Variants in SCFD2 observed in about 807,000 individuals in gnomAD.
The protein encoded by SCFD2 is sec1 family domain-containing protein 2.
Under a neutral mutation model 58.9 loss-of-function variants are expected in SCFD2, and 54 were observed. That is an observed-to-expected ratio of 0.92 (90% CI 0.74 to 1.15). The LOEUF is 1.15. Among genes scored for constraint, SCFD2 ranks in the 50% most tolerant of loss-of-function variants. The pLI, the probability that SCFD2 is intolerant of heterozygous loss-of-function variation, is 0.00. For synonymous variants in SCFD2, 321 were observed against 335.9 expected (o/e 0.96, Z 0.49); for missense variants, 805 against 836.6 (o/e 0.96, Z 0.47).
intron 4 of SCFD2, among the ~76,000 whole-genome samples, chr4:53,213,379 CGTCTGACTTGATTCATTT>C (rs1389668416): frequency 5.3e-5 from 8 of 152,020 alleles, no homozygotes; most frequent in Non-Finnish European, 2.9e-5. Flanking sequence ...GAAAAAAATG[CGTCTGACTTGATTCATTT>C]CTCATCAGGG....
At position 53,145,469 on chromosome 4, in the gene SCFD2, G is replaced by A; in HGVS notation, c.1425C>T (p.Leu475=). The A allele has an allele frequency of 1.2e-6, 2 of 1,614,128 alleles. No individual in the cohort carries two copies. The change falls in exon 5 of 9, where the codon CTC becomes CTT. Residue 475 remains leucine, a synonymous_variant. Coordinates refer to ENST00000401642, the MANE Select transcript of SCFD2 (RefSeq NM_152540.4). ...DYSPEELLIL[L]IYIYSVTGEL... ...CTCCAGTGACAGAATAAATATATAT[G>A]AGAAGGATCAGCAGTTCCTCAGGGC... is the stretch of plus-strand genomic sequence containing the variant.
intron 4 of SCFD2, among the ~76,000 whole-genome samples, chr4:53,155,304 G>A (rs556100981): frequency 2.0e-4 from 30 of 152,110 alleles, no homozygotes; most frequent in Non-Finnish European, 4.0e-4. Context: ...AGGCCATAAG[G>A]GATCTACCCT....
chr4:53,292,049 GTAAAACCCAAAACTATAAAACTA>G (rs1192403205), intron 3 of SCFD2, among the ~76,000 whole-genome samples: 4 of 151,580 alleles, frequency 2.6e-5, no homozygotes, highest in South Asian at 2.1e-4. Context: ...AGACTTAAAT[GTAAAACCCAAAACTATAAAACTA>G]TAAAACCCAA....
chr4:53,042,027 G>C (rs527331251), intron 5 of SCFD2, among the ~76,000 whole-genome samples: 18 of 152,242 alleles, frequency 1.2e-4, no homozygotes, highest in African/African-American at 3.8e-4. Flanking sequence ...CTAAGAGCCA[G>C]GACCTGGTCT....
chr4:52,929,678 C>A (rs1312333462), intron 5 of SCFD2, among the ~76,000 whole-genome samples: 1 of 152,148 alleles, frequency 6.6e-6, no homozygotes, highest in East Asian at 1.9e-4. Context: ...CAGAGAGGCC[C>A]AGAAAGCGGG....
Position 52,876,141 on chromosome 4 carries a change from C to T in SCFD2, c.1963-2080G>A, listed in dbSNP as rs556928807. On this transcript the variant is annotated intron_variant, in intron 8 of 8. Coordinates refer to ENST00000401642, the MANE Select transcript of SCFD2 (RefSeq NM_152540.4). ...TGAGGAGATCCCAGCTCCACACTGA[C>T]TGGCCAGATGCCTCCAGAAAGTCAC... Among the ~76,000 whole-genome samples the T allele has an allele frequency of 8.6e-4, 8 of 9,296 alleles. No individual in the cohort carries two copies. In the South Asian group the frequency reaches 0.058, roughly 68 times the overall value. 6.1% of individuals were successfully genotyped at this position (9,296 alleles called of 152,430 possible).
At chr4:53,233,989 A>G (rs561675072) in intron 4 of SCFD2, among the ~76,000 whole-genome samples, 1 of 152,314 alleles carries the variant, frequency 6.6e-6, no homozygotes, top group Admixed American at 6.5e-5. Flanking sequence ...TACTCATAAA[A>G]AAAGTTATCA....
chr4:53,253,906 AT>A (rs1167187809), intron 4 of SCFD2, among the ~76,000 whole-genome samples: 7 of 149,622 alleles, frequency 4.7e-5, no homozygotes, highest in Admixed American at 6.6e-5. Flanking sequence ...AAAAAAAAAA[AT>A]AACAAAGTCA....
intron 2 of SCFD2, among the ~76,000 whole-genome samples, chr4:53,349,160 G>A (rs1371057178): frequency 1.3e-5 from 2 of 152,176 alleles, no homozygotes; most frequent in Non-Finnish European, 2.9e-5. Flanking sequence ...CACAGCAGGG[G>A]CTCAGTTAGG....
intron 5 of SCFD2, among the ~76,000 whole-genome samples, chr4:52,932,826 G>A (rs1194462292): frequency 6.6e-6 from 1 of 152,002 alleles, no homozygotes; most frequent in Non-Finnish European, 1.5e-5. Flanking sequence ...CCATTGAACC[G>A]AGCCAGCATC....
rs150689582 is a variant in SCFD2, at chr4:53,024,052, C to T, written c.1562-103182G>A. ...ACACAAACTCCACAGTCAGCAGCAG[C>T]CTTATTCTTGGGCATCTAGAAACAA... On this transcript the variant is annotated intron_variant, in intron 5 of 8. Coordinates refer to ENST00000401642, the MANE Select transcript of SCFD2 (RefSeq NM_152540.4). Among the ~76,000 whole-genome samples the T allele has an allele frequency of 2.0e-3, 307 of 152,208 alleles. 1 individual carries two copies. The highest frequency in any genetic ancestry group is 7.2e-3 in the African/African-American group (300 of 41,530).
At chr4:52,876,756 GAAAAAAAAAAA>G (rs761229349) in intron 8 of SCFD2, among the ~76,000 whole-genome samples, 34 of 54,396 alleles carry the variant, frequency 6.3e-4, no homozygotes, top group African/African-American at 2.3e-3. Flanking sequence ...TCTCTGTCTC[GAAAAAAAAAAA>G]AAAAAAAAAA....
chr4:52,896,295 G>A (rs1471105179), intron 7 of SCFD2, among the ~76,000 whole-genome samples: 1 of 152,170 alleles, frequency 6.6e-6, no homozygotes, highest in African/African-American at 2.4e-5. Flanking sequence ...ATGGTTTTAG[G>A]TCTAACATTT....
intron 4 of SCFD2, among the ~76,000 whole-genome samples, chr4:53,168,695 T>C (rs1281223456): frequency 2.0e-5 from 3 of 152,214 alleles, no homozygotes; most frequent in Non-Finnish European, 2.9e-5. Flanking sequence ...GTGAAATTAT[T>C]AAATCAAGTT....
In SCFD2 at chr4:53,365,497, A is replaced by G; in HGVS notation, c.445T>C (p.Tyr149His). The G allele has an allele frequency of 6.2e-7, 1 of 1,614,222 alleles. No individual in the cohort carries two copies. The highest frequency in any genetic ancestry group is 8.5e-7 in the Non-Finnish European group (1 of 1,180,040). Reference protein sequence around the residue: ...KLCEWMGNMNYTAEVFHVPLL... With the variant: ...KLCEWMGNMNHTAEVFHVPLL... ...GGGACATGGAACACCTCGGCCGTGTAGTTCATGTTGCCCATCCATTCACAC... is the reference window on the plus strand; with the variant it reads ...GGGACATGGAACACCTCGGCCGTGTGGTTCATGTTGCCCATCCATTCACAC... The change falls in exon 1 of 9, where the codon TAC becomes CAC. Residue 149 changes from tyrosine (Y) to histidine (H), a missense_variant. This residue lies in a region of SCFD2 where 633 missense variants were observed against 646.8 expected (regional missense o/e 0.98). Transcript: ENST00000401642. This position sits in a 1 kb window ranked among gnomAD's most constrained non-coding sequence, Gnocchi z 4.3.
chr4:52,959,605 C>T (rs1720796319), intron 5 of SCFD2, among the ~76,000 whole-genome samples: 1 of 152,150 alleles, frequency 6.6e-6, no homozygotes, highest in African/African-American at 2.4e-5. Flanking sequence ...ATATCCAGAA[C>T]ATCTTCTTTA....
intron 5 of SCFD2, among the ~76,000 whole-genome samples, chr4:53,113,500 T>C (rs1332692435): frequency 6.6e-6 from 1 of 152,110 alleles, no homozygotes; most frequent in Non-Finnish European, 1.5e-5. Context: ...TTTAAGCCAC[T>C]GAAATGTTAA....
At chr4:53,315,086 G>A (rs533755647) in intron 2 of SCFD2, among the ~76,000 whole-genome samples, 9 of 152,042 alleles carry the variant, frequency 5.9e-5, no homozygotes, top group Non-Finnish European at 1.0e-4. Flanking sequence ...TAAAAGCCAT[G>A]GTCAATGCTT....
intron 5 of SCFD2, among the ~76,000 whole-genome samples, chr4:53,107,214 C>T (rs1318971625): frequency 6.6e-6 from 1 of 152,202 alleles, no homozygotes; most frequent in Non-Finnish European, 1.5e-5. Flanking sequence ...CTTACAAGAA[C>T]TCCTGAAGGA....
Sources: allele counts gnomAD v4.1 joint callset (sites outside exome capture counted in the v4.1 genomes callset), GRCh38; gene constraint gnomAD v4.1.1; regional missense constraint gnomAD v4.1.1; non-coding constraint Gnocchi (gnomAD v3.1); transcripts MANE v1.5; gene names NCBI Gene and HGNC (gene_info 2026-07-23, HGNC 2026-07-21).